NFIL3: variants seen among roughly 807,000 people sequenced by gnomAD.
The protein encoded by NFIL3 is nuclear factor, interleukin 3 regulated.
NFIL3 carries 5 observed loss-of-function variants against 10.0 expected under a neutral mutation model. The observed-to-expected ratio is 0.50, with a 90% confidence interval of 0.26 to 1.06. NFIL3 has a LOEUF of 1.06. Among genes scored for constraint, NFIL3 ranks in the 50% least tolerant of loss-of-function variants. The pLI is 0.13. For missense variants in NFIL3, 436 were observed against 547.6 expected (o/e 0.80, Z 2.03); for synonymous variants, 202 against 206.5 (o/e 0.98, Z 0.19).
chr9:91,422,427 T>C (rs945842443), intron 1 of NFIL3, among the ~76,000 whole-genome samples: 6 of 150,854 alleles, frequency 4.0e-5, no homozygotes, highest in Non-Finnish European at 8.8e-5. Flanking sequence ...AACTCCATGC[T>C]TACCCGGTTG....
At chr9:91,431,544 C>T in the NFIL3 span, among the ~76,000 whole-genome samples, 1 of 152,184 alleles carries the variant, frequency 6.6e-6, no homozygotes, top group Non-Finnish European at 1.5e-5. Flanking sequence ...TAGGGATGCA[C>T]TGGCACATGC....
At chr9:91,473,253 C>T in the NFIL3 span, among the ~76,000 whole-genome samples, 2 of 152,234 alleles carry the variant, frequency 1.3e-5, no homozygotes, top group Non-Finnish European at 2.9e-5. Flanking sequence ...TCAGACACAG[C>T]CATTTAAGTC....
chr9:91,478,038 C>T, the NFIL3 span, among the ~76,000 whole-genome samples: 1 of 152,122 alleles, frequency 6.6e-6, no homozygotes, highest in African/African-American at 2.4e-5. Flanking sequence ...TGATGGGCTT[C>T]CCTTTGTGGG....
At chr9:91,474,009 C>T in the NFIL3 span, among the ~76,000 whole-genome samples, 1 of 151,908 alleles carries the variant, frequency 6.6e-6, no homozygotes, top group South Asian at 2.1e-4. Flanking sequence ...AGAGGGATAG[C>T]TTTGCCTTGT....
the NFIL3 span, among the ~76,000 whole-genome samples, chr9:91,435,655 G>A: frequency 6.6e-6 from 1 of 152,206 alleles, no homozygotes; most frequent in African/African-American, 2.4e-5. Flanking sequence ...CCTTGGTGAA[G>A]TGAGGACTAT....
intron 1 of NFIL3, among the ~76,000 whole-genome samples, chr9:91,420,359 A>T (rs867587364): frequency 7.6e-5 from 9 of 118,186 alleles, no homozygotes; most frequent in Admixed American, 1.8e-4. Flanking sequence ...AAATACACAC[A>T]CACACACACA....
chr9:91,441,896 C>T, the NFIL3 span, among the ~76,000 whole-genome samples: 1 of 152,154 alleles, frequency 6.6e-6, no homozygotes, highest in Admixed American at 6.5e-5. Context: ...TGACTTTTAA[C>T]CTTCATACTA....
Position 91,410,139 on chromosome 9 carries a change from G to A in NFIL3, c.596C>T (p.Thr199Met), listed in dbSNP as rs745956029. Residue 199 changes from threonine to methionine, a missense_variant, in exon 2 of 2, where the codon ACG becomes ATG. By Grantham distance (81) the Thr-to-Met change is moderately conservative. This residue lies in a region of NFIL3 where 338 missense variants were observed against 399.9 expected (regional missense o/e 0.85). Transcript: ENST00000297689. The surrounding 1 kb of genome is among the most constrained non-coding windows in gnomAD (Gnocchi z 5.7). ...GCTTCCCTGCACAGAGCTCTCCTGC[G>A]TGTGTTCTACTGAGGACACTTCTGA... is the stretch of plus-strand genomic sequence containing the variant. ...DVSEVSSVEH[T>M]QESSVQGSCR... 1.3e-5 allele frequency: 21 copies of A among 1,613,964 alleles called. No homozygotes were observed. The highest frequency in any genetic ancestry group is 1.1e-4 in the East Asian group (5 of 44,894).
chr9:91,455,942 C>T, the NFIL3 span, among the ~76,000 whole-genome samples: 1 of 152,184 alleles, frequency 6.6e-6, no homozygotes, highest in Non-Finnish European at 1.5e-5. Flanking sequence ...CTCCCCCTTA[C>T]CCTCACCCAA....
chr9:91,422,990 G>C (rs1833797612), intron 1 of NFIL3, among the ~76,000 whole-genome samples: 1 of 152,092 alleles, frequency 6.6e-6, no homozygotes, highest in African/African-American at 2.4e-5. Flanking sequence ...TTTCACCGTG[G>C]GCAGATTATG....
At chr9:91,477,114 C>T in the NFIL3 span, among the ~76,000 whole-genome samples, 8 of 152,260 alleles carry the variant, frequency 5.3e-5, no homozygotes, top group East Asian at 5.8e-4. Flanking sequence ...GCACTGGGTT[C>T]CCTGATTGTG....
chr9:91,431,486 A>C, the NFIL3 span, among the ~76,000 whole-genome samples: 1 of 152,182 alleles, frequency 6.6e-6, no homozygotes, highest in African/African-American at 2.4e-5. Flanking sequence ...TCATCCTTCT[A>C]CCATTCCGTG....
Position 91,413,908 on chromosome 9 carries a change from T to TA in NFIL3, c.-172-3003dup, listed in dbSNP as rs11329401. On this transcript the variant is annotated intron_variant, in intron 1 of 1. Transcript: ENST00000297689. ...ATGTGTTATCTTATTTGTTCCTTCT[T>TA]AAAAAAAAAAATCAGATTCCTTTAT... is the stretch of plus-strand genomic sequence containing the variant. Among the ~76,000 whole-genome samples the TA allele has an allele frequency of 1.8e-3, 270 of 149,674 alleles. 1 individual carries two copies. The highest frequency in any genetic ancestry group is 5.2e-3 in the African/African-American group (214 of 41,064).
the NFIL3 span, among the ~76,000 whole-genome samples, chr9:91,441,259 CT>C: frequency 1.3e-5 from 2 of 151,930 alleles, no homozygotes; most frequent in Admixed American, 1.3e-4. Context: ...TAAATAATGA[CT>C]TTTTTTGTCT....
upstream of NFIL3, among the ~76,000 whole-genome samples, chr9:91,424,252 G>T (rs1448782157): frequency 6.6e-6 from 1 of 152,126 alleles, no homozygotes; most frequent in South Asian, 2.1e-4. Flanking sequence ...CGCTCCCCGC[G>T]ACCCTCACTT....
upstream of NFIL3, among the ~76,000 whole-genome samples, chr9:91,424,907 G>A (rs774584529): frequency 9.2e-5 from 14 of 152,188 alleles, no homozygotes; most frequent in Admixed American, 2.0e-4. Context: ...CCCGGGCTAC[G>A]GAAGAGACGT....
At chr9:91,459,237 A>G in the NFIL3 span, among the ~76,000 whole-genome samples, 10 of 152,282 alleles carry the variant, frequency 6.6e-5, no homozygotes, top group East Asian at 3.9e-4. Flanking sequence ...AAGACTCCCT[A>G]TGCAAGCTCC....
At chr9:91,469,058 A>G in the NFIL3 span, among the ~76,000 whole-genome samples, 1 of 152,230 alleles carries the variant, frequency 6.6e-6, no homozygotes, top group East Asian at 1.9e-4. Flanking sequence ...AGTTTTTTCC[A>G]AGTCTGTGAA....
Position 91,410,865 on chromosome 9 carries a change from C to T in NFIL3, c.-131G>A, listed in dbSNP as rs373131442. 16 of 948,134 alleles carry T rather than the reference C, an allele frequency of 1.7e-5. No homozygotes were observed. The highest frequency in any genetic ancestry group is 1.4e-4 in the Admixed American group (4 of 29,582). The allele number at this position is 948,134 out of a possible 1,614,324, so 58.7% of individuals were successfully genotyped here. A position where few individuals can be genotyped will look rare whatever the true frequency, so the allele number is the denominator to read the frequency against. On this transcript the variant is annotated 5_prime_UTR_variant, in exon 2 of 2. Transcript: ENST00000297689. This position sits in a 1 kb window ranked among gnomAD's most constrained non-coding sequence, Gnocchi z 5.7. ...TTTGTTCTACCGTCTGGGATAAATCCGTCAGGCTCCTTATTGAATGAAGTT... is the reference window on the plus strand; with the variant it reads ...TTTGTTCTACCGTCTGGGATAAATCTGTCAGGCTCCTTATTGAATGAAGTT...
Sources: gnomAD v4.1 joint callset for allele counts (sites outside exome capture counted in the v4.1 genomes callset) on GRCh38, gnomAD v4.1.1 for gene constraint, gnomAD v4.1.1 regional missense constraint, Gnocchi (gnomAD v3.1) non-coding constraint, MANE v1.5 for transcripts, NCBI Gene and HGNC (gene_info 2026-07-23, HGNC 2026-07-21) for gene names.